Variants in MGAT4C observed in about 807,000 individuals in gnomAD.
The protein encoded by MGAT4C is alpha-1,3-mannosyl-glycoprotein 4-beta-N-acetylglucosaminyltransferase C.
In MGAT4C, 19 loss-of-function variants were observed where a neutral mutation model predicts 40.1. The ratio of observed to expected loss-of-function variants is 0.47; its 90% CI spans 0.33 to 0.70. MGAT4C has a LOEUF of 0.70. Ranked by LOEUF, MGAT4C falls within the 30% of genes least tolerant of loss-of-function variation. MGAT4C has a pLI of 0.02. For synonymous variants in MGAT4C, 181 were observed against 187.1 expected (o/e 0.97, Z 0.27); for missense variants, 491 against 563.2 (o/e 0.87, Z 1.30).
chr12:86,334,438 T>C (rs1158130144), intron 3 of MGAT4C, among the ~76,000 whole-genome samples: 2 of 152,070 alleles, frequency 1.3e-5, no homozygotes, highest in Admixed American at 6.6e-5. Flanking sequence ...GGGAGAGACA[T>C]GGATGATGCT....
chr12:86,700,138 TAGACAGACAGACAGACAGACAGAC>T (rs60647571), intron 2 of MGAT4C, among the ~76,000 whole-genome samples: 89 of 142,308 alleles, frequency 6.3e-4, no homozygotes, highest in African/African-American at 1.2e-3. Context: ...TGTAGATAGA[TAGACAGACAGACAGACAGACAGAC>T]AGACAGACAG....
intron 1 of MGAT4C, among the ~76,000 whole-genome samples, chr12:86,177,318 TATG>T (rs1237721487): frequency 6.6e-6 from 1 of 152,194 alleles, no homozygotes; most frequent in Non-Finnish European, 1.5e-5. Context: ...CATACTAATC[TATG>T]ATATTTCTAA....
At chr12:86,561,504 C>T (rs1260060761) in intron 2 of MGAT4C, among the ~76,000 whole-genome samples, 1 of 152,172 alleles carries the variant, frequency 6.6e-6, no homozygotes, top group East Asian at 1.9e-4. Flanking sequence ...CTGGATGTTT[C>T]CTGCCCTTGT....
chr12:86,072,494 A>G (rs539383134), intron 1 of MGAT4C, among the ~76,000 whole-genome samples: 3 of 152,284 alleles, frequency 2.0e-5, no homozygotes, highest in East Asian at 1.9e-4. Context: ...ATGTATATTT[A>G]TATCTGTAAG....
intron 4 of MGAT4C, among the ~76,000 whole-genome samples, chr12:86,314,020 C>T (rs137893989): frequency 2.4e-4 from 37 of 152,324 alleles, no homozygotes; most frequent in Non-Finnish European, 4.7e-4. Flanking sequence ...CTCTAATTTA[C>T]ATTTGTGCTG....
chr12:86,325,056 T>C (rs1176515429), intron 4 of MGAT4C, among the ~76,000 whole-genome samples: 1 of 152,180 alleles, frequency 6.6e-6, no homozygotes, highest in Non-Finnish European at 1.5e-5. Flanking sequence ...ATTGTTTTAA[T>C]ATAAATGTTG....
intron 1 of MGAT4C, among the ~76,000 whole-genome samples, chr12:86,780,379 C>A (rs975494918): frequency 4.0e-5 from 6 of 149,478 alleles, no homozygotes; most frequent in Non-Finnish European, 5.9e-5. Context: ...CGTTCCCATG[C>A]AAATCTCCTG....
intron 4 of MGAT4C, among the ~76,000 whole-genome samples, chr12:86,309,598 G>A (rs2136148814): frequency 6.6e-6 from 1 of 152,218 alleles, no homozygotes; most frequent in African/African-American, 2.4e-5. Flanking sequence ...ATTTTCTAAA[G>A]GTTTCATCTA....
At chr12:86,054,415 G>A (rs1893193501) in intron 1 of MGAT4C, among the ~76,000 whole-genome samples, 1 of 151,914 alleles carries the variant, frequency 6.6e-6, no homozygotes, top group South Asian at 2.1e-4. Flanking sequence ...TAGTTACCAG[G>A]GGCTGGAATG....
At chr12:86,735,804 G>T (rs1181951811) in intron 1 of MGAT4C, among the ~76,000 whole-genome samples, 1 of 151,658 alleles carries the variant, frequency 6.6e-6, no homozygotes, top group African/African-American at 2.4e-5. Context: ...TTTCTCTTAA[G>T]TTCAGTTATT....
rs1489349212 is a variant in MGAT4C at position 86,823,286 on chromosome 12, TA to T, written c.-262+15379del. Among the ~76,000 whole-genome samples, 6 of 150,084 alleles carry T rather than the reference TA, an allele frequency of 4.0e-5. No individual in the cohort carries two copies. The East Asian group carries it at 1.2e-3, about 30-fold the overall frequency. On this transcript the variant is annotated intron_variant, in intron 1 of 7. Coordinates refer to the MGAT4C transcript ENST00000548651. Reference sequence around the variant, plus strand: ...AAAATAACAAAGATTCAAACAGAAATAAGTAAAATAGAAACGCAAAAGGTAG... The same window carrying T: ...AAAATAACAAAGATTCAAACAGAAATAGTAAAATAGAAACGCAAAAGGTAG...
At chr12:86,060,707 T>C (rs1393709752) in intron 1 of MGAT4C, among the ~76,000 whole-genome samples, 2 of 152,186 alleles carry the variant, frequency 1.3e-5, no homozygotes, top group African/African-American at 4.8e-5. Flanking sequence ...AGATTCTGTA[T>C]CTTCAGAGGA....
At chr12:86,450,890 T>C (rs1273509608) in intron 2 of MGAT4C, among the ~76,000 whole-genome samples, 2 of 152,200 alleles carry the variant, frequency 1.3e-5, no homozygotes, top group Non-Finnish European at 2.9e-5. Flanking sequence ...GTATTCATAC[T>C]TTTATATATG....
chr12:86,795,147 T>C (rs1019429485), intron 1 of MGAT4C, among the ~76,000 whole-genome samples: 10 of 152,018 alleles, frequency 6.6e-5, no homozygotes, highest in African/African-American at 2.2e-4. Flanking sequence ...TGTGTTTTCC[T>C]TTATTACTAA....
chr12:86,619,422 T>C (rs1239106689), intron 2 of MGAT4C, among the ~76,000 whole-genome samples: 1 of 152,124 alleles, frequency 6.6e-6, no homozygotes, highest in Non-Finnish European at 1.5e-5. Flanking sequence ...CTACACCAGC[T>C]TGACAAAATA....
At chr12:86,479,177 C>A (rs1374533674) in intron 2 of MGAT4C, among the ~76,000 whole-genome samples, 1 of 151,908 alleles carries the variant, frequency 6.6e-6, no homozygotes, top group Non-Finnish European at 1.5e-5. Flanking sequence ...CCTGTTTCAT[C>A]CATTTAGATG....
At chr12:86,082,544 T>C (rs1216071495) in intron 1 of MGAT4C, among the ~76,000 whole-genome samples, 1 of 152,114 alleles carries the variant, frequency 6.6e-6, no homozygotes, top group Non-Finnish European at 1.5e-5. Flanking sequence ...TCAACCACAA[T>C]TTAGCCATCT....
At chr12:86,626,301 T>C (rs1962801640) in intron 2 of MGAT4C, among the ~76,000 whole-genome samples, 1 of 152,208 alleles carries the variant, frequency 6.6e-6, no homozygotes, top group African/African-American at 2.4e-5. Context: ...AATGACCTAA[T>C]TCTCTTCCTG....
At chr12:86,457,746 T>C (rs1289287528) in intron 2 of MGAT4C, among the ~76,000 whole-genome samples, 1 of 152,108 alleles carries the variant, frequency 6.6e-6, no homozygotes, top group Non-Finnish European at 1.5e-5. Context: ...GTTGCTACTA[T>C]GCCTACCCAC....
Sources: allele counts gnomAD v4.1 joint callset (sites outside exome capture counted in the v4.1 genomes callset), GRCh38; gene constraint gnomAD v4.1.1; transcripts MANE v1.5; gene names NCBI Gene and HGNC (gene_info 2026-07-23, HGNC 2026-07-21).